The following TCF4 variants were observed in gnomAD, a reference collection of about 807,000 sequenced individuals.
The protein encoded by TCF4 is transcription factor 4, also known as SL3-3 enhancer factor 2.
TCF4 carries 3 observed loss-of-function variants against 82.1 expected under a neutral mutation model. The ratio of observed to expected loss-of-function variants is 0.04; its 90% CI spans 0.02 to 0.09. The LOEUF (loss-of-function observed/expected upper bound fraction) is 0.09, where lower values mean the gene tolerates loss of function less well. TCF4 is among the 10% of genes least tolerant of loss of function. TCF4 has a pLI of 1.00. For synonymous variants in TCF4, 276 were observed against 309.6 expected (o/e 0.89, Z 1.14); for missense variants, 518 against 852.7 (o/e 0.61, Z 4.89).
intron 8 of TCF4, among the ~76,000 whole-genome samples, chr18:55,334,320 CAT>C (rs1409002038): frequency 6.6e-6 from 1 of 152,028 alleles, no homozygotes; most frequent in African/African-American, 2.4e-5. Flanking sequence ...TTATAAATAA[CAT>C]ATAAGTCTTG....
chr18:55,408,653 A>G (rs1395882151), intron 5 of TCF4, among the ~76,000 whole-genome samples: 1 of 152,158 alleles, frequency 6.6e-6, no homozygotes, highest in Non-Finnish European at 1.5e-5. Flanking sequence ...ACAACCCCAT[A>G]AGGCAGGTAA....
At position 55,261,520 on chromosome 18, in the gene TCF4, G is replaced by A. The variant is rs368270265; in HGVS notation, c.936C>T (p.Ser312=). The A allele has an allele frequency of 5.8e-4, 931 of 1,613,854 alleles. 1 individual carries two copies. The highest frequency in any genetic ancestry group is 7.0e-4 in the Non-Finnish European group (830 of 1,179,840). ...GTDSIMANRG[S]GAAGSSQTGD... Reference sequence around the variant, plus strand: ...CAGTCTGGGAGCTGCCGGCTGCCCCGCTTCCTCTATTTGCTGCAAAAACAA... The same window carrying A: ...CAGTCTGGGAGCTGCCGGCTGCCCCACTTCCTCTATTTGCTGCAAAAACAA... Residue 312 remains serine, a synonymous_variant, in exon 12 of 20, where the codon AGC becomes AGT. Transcript: ENST00000354452.
intron 5 of TCF4, 132 bp from the exon 6 acceptor site, chr18:55,403,650 A>G (rs777346668): frequency 2.9e-5 from 46 of 1,592,700 alleles, no homozygotes; most frequent in Non-Finnish European, 3.9e-5. Context: ...CAATGTATGC[A>G]AGCAAGAGAG....
intron 6 of TCF4, among the ~76,000 whole-genome samples, chr18:55,374,580 G>GA (rs1282787735): frequency 8.6e-5 from 13 of 151,906 alleles, no homozygotes; most frequent in Non-Finnish European, 1.5e-5. Context: ...AACAGAAATG[G>GA]AAAAATTAGT....
chr18:55,374,871 TAAAAAA>T (rs5825137), intron 6 of TCF4, among the ~76,000 whole-genome samples: 1 of 67,144 alleles, frequency 1.5e-5, no homozygotes, highest in Non-Finnish European at 2.8e-5. Context: ...AGGCCCTGTC[TAAAAAA>T]AAAAAAAAAA....
At chr18:55,572,071 T>C (rs8098032) in intron 3 of TCF4, among the ~76,000 whole-genome samples, 27,504 of 152,080 alleles carry the variant, frequency 0.18, 2,690 homozygotes, top group Admixed American at 0.29. Context: ...CCAATTCACC[T>C]GCAGTGGGCA....
chr18:55,505,866 A>T (rs1202232140), intron 3 of TCF4, among the ~76,000 whole-genome samples: 1 of 152,084 alleles, frequency 6.6e-6, no homozygotes, highest in African/African-American at 2.4e-5. Context: ...CCAACCTTCA[A>T]ATCTGGGAAA....
intron 3 of TCF4, among the ~76,000 whole-genome samples, chr18:55,466,918 A>G (rs1386702129): frequency 1.1e-4 from 17 of 152,150 alleles, no homozygotes; most frequent in African/African-American, 3.4e-4. Context: ...TTCCTGACCA[A>G]TCGGATCTGA....
intron 5 of TCF4, among the ~76,000 whole-genome samples, chr18:55,443,998 T>C (rs1317663776): frequency 6.6e-6 from 1 of 152,188 alleles, no homozygotes; most frequent in African/African-American, 2.4e-5. Flanking sequence ...AACTTAGATG[T>C]CACCCAGGTA....
At chr18:55,405,283 C>T (rs1225723701) in intron 5 of TCF4, among the ~76,000 whole-genome samples, 4 of 152,172 alleles carry the variant, frequency 2.6e-5, no homozygotes, top group Non-Finnish European at 1.5e-5. Context: ...TCAATATCAC[C>T]ATTACATCAC....
At chr18:55,307,125 T>A (rs1208613036) in intron 8 of TCF4, among the ~76,000 whole-genome samples, 1 of 151,326 alleles carries the variant, frequency 6.6e-6, no homozygotes, top group Non-Finnish European at 1.5e-5. Context: ...AATTCTGATT[T>A]AAAAAAAGGC....
At chr18:55,279,686 T>C in intron 8 of TCF4, 30 bp from the exon 9 acceptor site, 1 of 1,613,594 alleles carries the variant, frequency 6.2e-7, no homozygotes, top group Non-Finnish European at 8.5e-7. Flanking sequence ...TGAGTTTTGC[T>C]TTTTGCATTG....
At chr18:55,627,441 A>G (rs1161094327) in intron 2 of TCF4, among the ~76,000 whole-genome samples, 2 of 152,092 alleles carry the variant, frequency 1.3e-5, no homozygotes, top group Non-Finnish European at 2.9e-5. Flanking sequence ...GCAGGAAGAC[A>G]GTGGCCACGT....
At chr18:55,311,205 C>CA (rs1485338478) in intron 8 of TCF4, among the ~76,000 whole-genome samples, 3 of 151,670 alleles carry the variant, frequency 2.0e-5, no homozygotes, top group Non-Finnish European at 2.9e-5. Context: ...AGAAAAAAAA[C>CA]AAAAAAATGT....
chr18:55,613,855 T>C (rs1271443461), intron 2 of TCF4, among the ~76,000 whole-genome samples: 1 of 152,216 alleles, frequency 6.6e-6, no homozygotes, highest in African/African-American at 2.4e-5. Context: ...CATAGCATAT[T>C]TCACTGCATG....
intron 3 of TCF4, among the ~76,000 whole-genome samples, chr18:55,519,831 C>T (rs1465263015): frequency 1.3e-5 from 2 of 152,176 alleles, no homozygotes; most frequent in East Asian, 3.8e-4. Context: ...CATTTCCCAA[C>T]TGCAAAAGCA....
At chr18:55,309,435 T>A (rs954807095) in intron 8 of TCF4, among the ~76,000 whole-genome samples, 1 of 152,178 alleles carries the variant, frequency 6.6e-6, no homozygotes, top group Non-Finnish European at 1.5e-5. Flanking sequence ...ATTTGAATGT[T>A]AATAGCCACA....
intron 15 of TCF4, among the ~76,000 whole-genome samples, chr18:55,237,890 G>A (rs2030578051): frequency 2.0e-5 from 3 of 152,186 alleles, no homozygotes; most frequent in Non-Finnish European, 4.4e-5. Context: ...AGAGACAAGG[G>A]AAGAAACACA....
intron 6 of TCF4, among the ~76,000 whole-genome samples, chr18:55,381,780 G>A (rs1057223422): frequency 7.9e-5 from 12 of 152,140 alleles, no homozygotes; most frequent in African/African-American, 1.4e-4. Context: ...GAATGGGAGC[G>A]TCAGGCTACC....
Sources: gnomAD v4.1 joint callset for allele counts (sites outside exome capture counted in the v4.1 genomes callset) on GRCh38, gnomAD v4.1.1 for gene constraint, MANE v1.5 for transcripts, NCBI Gene and HGNC (gene_info 2026-07-23, HGNC 2026-07-21) for gene names.